The following KRT34 variants were observed in gnomAD, a reference collection of about 807,000 sequenced individuals.
KRT34 encodes keratin 34.
A neutral mutation model predicts 41.7 loss-of-function variants in KRT34; 31 were observed. The observed-to-expected ratio is 0.74, with a 90% CI of 0.56 to 1.00. The LOEUF (loss-of-function observed/expected upper bound fraction) is 1.00, where lower values mean the gene tolerates loss of function less well. Ranked by LOEUF, KRT34 falls within the 50% of genes least tolerant of loss-of-function variation. KRT34 has a pLI of 0.00. For synonymous variants in KRT34, 224 were observed against 212.9 expected (o/e 1.05, Z -0.45); for missense variants, 523 against 500.3 (o/e 1.05, Z -0.43).
In KRT34 at chr17:41,378,851, A is replaced by G. The variant is rs1181862458; in HGVS notation, c.1097+105T>C. 4 of 1,462,036 alleles carry G rather than the reference A, an allele frequency of 2.7e-6. No individual in the cohort carries two copies. The African/African-American group carries it at 5.5e-5, about 20-fold the overall frequency. 90.6% of individuals were successfully genotyped at this position (1,462,036 alleles called of 1,614,324 possible). On this transcript the variant is annotated intron_variant, in intron 6 of 6. Coordinates refer to ENST00000394001, the MANE Select transcript of KRT34 (RefSeq NM_001386014.1). ...ACAGATCACTGGACACATGCTACAC[A>G]GTTAATGTGTGTTGCCTGACTAGTT...
intron 2 of KRT34, 48 bp from the exon 3 acceptor site, chr17:41,381,260 C>T: frequency 6.3e-7 from 1 of 1,586,568 alleles, no homozygotes; most frequent in Non-Finnish European, 8.6e-7. Flanking sequence ...AAACCACCTT[C>T]CCCTCTCATG....
chr17:41,382,030 T>G lies in KRT34; in HGVS notation c.217A>C (p.Lys73Gln). 1 of 1,614,142 alleles carries G rather than the reference T, an allele frequency of 6.2e-7. No homozygotes were observed. The change falls in exon 1 of 7, where the codon AAG (lysine) becomes CAG (glutamine). Residue 73 changes from lysine to glutamine, a missense_variant. Lys to Gln is a moderately conservative substitution (Grantham distance 53, BLOSUM62 1). Transcript: ENST00000394001. Reference sequence around the variant, plus strand: ...TTGTCCCGCTCCAGCTGACGCACCTTCTCCAGGTAGCTGGCCAGGCGGTCG... The same window carrying G: ...TTGTCCCGCTCCAGCTGACGCACCTGCTCCAGGTAGCTGGCCAGGCGGTCG... ...LNDRLASYLE[K>Q]VRQLERDNAE...
At chr17:41,382,377 T>C, upstream of KRT34, 1 of 1,602,724 alleles carries the variant, frequency 6.2e-7, no homozygotes, top group Non-Finnish European at 8.5e-7. Flanking sequence ...CAGCATAGTT[T>C]CCTTTCCTAA....
Position 41,382,239 on chromosome 17 carries a change from TA to T in KRT34, c.7del (p.Tyr3ThrfsTer39). ...GCCCAGGCTGGGCAGGCAACAACTG[TA>T]AGACATGGTGCTGGAACAGGTAATG... MS[Y>X]SCCLPSLGCR... is the part of the protein sequence containing the mutation. On this transcript the variant is annotated frameshift_variant, in exon 1 of 7. Coordinates refer to ENST00000394001, the MANE Select transcript of KRT34 (RefSeq NM_001386014.1). LOFTEE classifies it high-confidence loss of function. The T allele has an allele frequency of 6.2e-7, 1 of 1,612,722 alleles. No individual in the cohort carries two copies. Among genetic ancestry groups the T allele is most frequent in the African/African-American group, 1.3e-5 (1 of 75,016 alleles).
chr17:41,381,292 C>T, intron 2 of KRT34, 80 bp from the exon 3 acceptor site: 2 of 1,439,282 alleles, frequency 1.4e-6, no homozygotes, highest in Admixed American at 2.0e-5. Context: ...TAGAATTGGC[C>T]TGAATCTTCT....
In KRT34 at chr17:41,378,979, G is replaced by A. The variant is rs760204033; in HGVS notation, c.1074C>T (p.Ser358=). The change falls in exon 6 of 7, where the codon AGC becomes AGT. Residue 358 remains serine, a synonymous_variant. Coordinates refer to ENST00000394001, the MANE Select transcript of KRT34 (RefSeq NM_001386014.1). ...ACTTGCAGTCCTCACTCTCCAGGAG[G>A]CTCCGGTACGTGTTGATCTCACACT... ...RLECEINTYR[S]LLESEDCKLP... 1.2e-6 allele frequency: 2 copies of A among 1,614,066 alleles called. No individual in the cohort carries two copies. The highest frequency in any genetic ancestry group is 2.7e-5 in the African/African-American group (2 of 74,918).
intron 3 of KRT34, among the ~76,000 whole-genome samples, chr17:41,380,819 C>G (rs1234329664): frequency 1.3e-5 from 2 of 152,172 alleles, no homozygotes; most frequent in Non-Finnish European, 2.9e-5. Flanking sequence ...GAGAGCAGGG[C>G]TCAATGAATG....
At chr17:41,378,654 A>C (rs1324009444) in intron 6 of KRT34, among the ~76,000 whole-genome samples, 1 of 152,108 alleles carries the variant, frequency 6.6e-6, no homozygotes, top group Non-Finnish European at 1.5e-5. Flanking sequence ...GAGGTGGAAA[A>C]ATTGTGCTTT....
At chr17:41,380,531 C>T (rs1052178662) in intron 3 of KRT34, among the ~76,000 whole-genome samples, 3 of 152,202 alleles carry the variant, frequency 2.0e-5, no homozygotes, top group Non-Finnish European at 4.4e-5. Context: ...TTTGTTCAAC[C>T]TCTTCCCTCA....
In KRT34 at chr17:41,382,031, C is replaced by T; in HGVS notation, c.216G>A (p.Glu72=). 6.2e-7 allele frequency: 1 copy of T among 1,614,144 alleles called. No homozygotes were observed. ...FLNDRLASYL[E]KVRQLERDNA... The stretch of plus-strand genomic sequence containing the variant: ...TGTCCCGCTCCAGCTGACGCACCTT[C>T]TCCAGGTAGCTGGCCAGGCGGTCGT... The change falls in exon 1 of 7, where the codon GAG becomes GAA. Residue 72 remains glutamate, a synonymous_variant. Coordinates refer to ENST00000394001, the MANE Select transcript of KRT34 (RefSeq NM_001386014.1).
intron 6 of KRT34, 97 bp downstream of exon 6, chr17:41,378,859 T>A (rs1423771293): frequency 1.3e-6 from 2 of 1,503,290 alleles, no homozygotes; most frequent in East Asian, 2.3e-5. Flanking sequence ...ACAGTTAATG[T>A]GTGTTGCCTG....
Position 41,382,293 on chromosome 17 carries a change from A to T in KRT34, c.-47T>A, listed in dbSNP as rs781159416. On this transcript the variant is annotated 5_prime_UTR_variant, in exon 1 of 7. Transcript: ENST00000394001. The stretch of plus-strand genomic sequence containing the variant: ...AAAGCAGGTAAGCTGCTGGAGGTGG[A>T]TGTGGGCAGGTTTGAGTCTCTCCTT... The T allele has an allele frequency of 1.9e-6, 3 of 1,613,154 alleles. No homozygotes were observed. In the African/African-American group the frequency reaches 4.0e-5, roughly 22 times the overall value.
chr17:41,379,614 C>T lies in KRT34; in HGVS notation c.706G>A (p.Val236Met). The change falls in exon 4 of 7, where the codon GTG becomes ATG. Residue 236 changes from valine to methionine, a missense_variant. Transcript: ENST00000394001. ...NETRSQYEALVEINRREVEQW... is the reference protein window; with the variant it reads ...NETRSQYEALMEINRREVEQW... Reference sequence around the variant, plus strand: ...TCCACTTCCCTGCGGTTAATTTCCACCAGAGCCTCATACTGACTCCTGGTC... The same window carrying T: ...TCCACTTCCCTGCGGTTAATTTCCATCAGAGCCTCATACTGACTCCTGGTC... The T allele has an allele frequency of 6.2e-7, 1 of 1,614,070 alleles. No individual in the cohort carries two copies. The highest frequency in any genetic ancestry group is 8.5e-7 in the Non-Finnish European group (1 of 1,179,930).
upstream of KRT34, among the ~76,000 whole-genome samples, chr17:41,382,653 T>C (rs2018019798): frequency 6.6e-6 from 1 of 152,034 alleles, no homozygotes. Context: ...CACCCAGGAG[T>C]TTCCGCCACT....
chr17:41,378,408 G>A (rs547304032), intron 6 of KRT34, among the ~76,000 whole-genome samples: 108 of 152,280 alleles, frequency 7.1e-4, no homozygotes, highest in African/African-American at 2.5e-3. Flanking sequence ...TCCTGCCTCA[G>A]CCTCCCAAGT....
rs199859296 is a variant in KRT34, at chr17:41,381,707, A to G, written c.431+6T>C. 1.2e-6 allele frequency: 2 copies of G among 1,613,650 alleles called. No individual in the cohort carries two copies. The highest frequency in any genetic ancestry group is 2.7e-5 in the African/African-American group (2 of 75,040). On this transcript the variant is annotated splice_donor_region_variant and intron_variant, in intron 2 of 6. Transcript: ENST00000394001. ...AGAACCATAGGGACCTTGAAGTTCA[A>G]CATACTTGCTTCTGAAGTCGTCAGA...
intron 3 of KRT34, among the ~76,000 whole-genome samples, chr17:41,380,338 G>A (rs998423025): frequency 6.6e-6 from 1 of 151,982 alleles, no homozygotes; most frequent in Non-Finnish European, 1.5e-5. Flanking sequence ...ACTCCAACAG[G>A]GATCACGTCA....
At chr17:41,379,549 G>A (rs757210175) in intron 4 of KRT34, 21 bp downstream of exon 4, 3 of 1,613,792 alleles carry the variant, frequency 1.9e-6, no homozygotes, top group Admixed American at 1.7e-5. Flanking sequence ...GTCCTGAGTG[G>A]CCATGTGCTT....
chr17:41,382,416 G>A (rs747025089), upstream of KRT34: 3 of 1,505,798 alleles, frequency 2.0e-6, no homozygotes, highest in African/African-American at 1.4e-5. Context: ...TCCAAAATAT[G>A]CTAGTTAGAT....
Sources: gnomAD v4.1 joint callset for allele counts (sites outside exome capture counted in the v4.1 genomes callset) on GRCh38, gnomAD v4.1.1 for gene constraint, MANE v1.5 for transcripts, NCBI Gene and HGNC (gene_info 2026-07-23, HGNC 2026-07-21) for gene names.